The following CYLD variants were observed in gnomAD, a reference collection of about 807,000 sequenced individuals.
The protein encoded by CYLD is ubiquitin carboxyl-terminal hydrolase CYLD.
A neutral mutation model predicts 104.5 loss-of-function variants in CYLD; 26 were observed. The ratio of observed to expected loss-of-function variants is 0.25; its 90% CI spans 0.18 to 0.35. The LOEUF is 0.35. CYLD is among the 10% of genes least tolerant of loss of function. CYLD has a pLI of 1.00. For missense variants in CYLD, 703 were observed against 1,136.1 expected, an observed-to-expected ratio of 0.62 and a Z score of 5.48; for synonymous variants, 385 against 399.9, an observed-to-expected ratio of 0.96 and a Z score of 0.45.
At chr16:50,751,511 CAG>C in intron 3 of CYLD, 91 bp from the exon 4 acceptor site, 1 of 1,038,340 alleles carries the variant, frequency 9.6e-7, no homozygotes, top group Non-Finnish European at 1.4e-6. Flanking sequence ...AGAAATTTTC[CAG>C]AGTGATTTTC....
At chr16:50,790,424 T>C (rs1047283138) in intron 14 of CYLD, among the ~76,000 whole-genome samples, 1 of 152,176 alleles carries the variant, frequency 6.6e-6, no homozygotes, top group Non-Finnish European at 1.5e-5. Context: ...CCTCTACTAC[T>C]TCCTGGTTTC....
chr16:50,754,378 G>T lies in CYLD; in HGVS notation c.867G>T (p.Ala289=), dbSNP rs778051762. 6.2e-7 allele frequency: 1 copy of T among 1,613,462 alleles called. No homozygotes were observed. Among genetic ancestry groups the T allele is most frequent in the South Asian group, 1.1e-5 (1 of 91,064 alleles). Residue 289 remains alanine, a synonymous_variant, in exon 5 of 19, where the codon GCG becomes GCT. Transcript: ENST00000427738. The stretch of plus-strand genomic sequence containing the variant: ...ATGGAGTGCAGCTTTGTAGTTTTGC[G>T]TGTGTTGAAAGTACAATTCTATTGC... ...RFDGVQLCSF[A]CVESTILLHI... is the part of the protein sequence containing the mutation.
chr16:50,784,316 T>A lies in CYLD; in HGVS notation c.1827-13T>A. 1.2e-6 allele frequency: 2 copies of A among 1,612,900 alleles called. No individual in the cohort carries two copies. The highest frequency in any genetic ancestry group is 1.7e-6 in the Non-Finnish European group (2 of 1,179,356). The stretch of plus-strand genomic sequence containing the variant: ...TTTACAGCATGAAGAAAATTATCCT[T>A]TTTCTTTTGCAGCTTATTTGCTTTT... On this transcript the variant is annotated splice_polypyrimidine_tract_variant and intron_variant, in intron 11 of 18. Coordinates refer to ENST00000427738, the MANE Select transcript of CYLD (RefSeq NM_001378743.1).
chr16:50,793,738 G>T lies in CYLD; in HGVS notation c.2469+74G>T, dbSNP rs566639454. On this transcript the variant is annotated intron_variant, in intron 17 of 18. Transcript: ENST00000427738. ...ATTTATAGTTGAAAACACAATGCTCGTTTTGGAAAGTTTTTTAAAATCATA... is the reference window on the plus strand; with the variant it reads ...ATTTATAGTTGAAAACACAATGCTCTTTTTGGAAAGTTTTTTAAAATCATA... The T allele has an allele frequency of 1.3e-4, 130 of 984,098 alleles. No individual in the cohort carries two copies. The African/African-American group carries it at 1.7e-3, about 13-fold the overall frequency. The allele number at this position is 984,098 out of a possible 1,614,324, so 61.0% of individuals were successfully genotyped here. A position where few individuals can be genotyped will look rare whatever the true frequency, so the allele number is the denominator to read the frequency against.
At chr16:50,757,032 A>AT (rs1967326368) in intron 5 of CYLD, among the ~76,000 whole-genome samples, 2 of 152,242 alleles carry the variant, frequency 1.3e-5, no homozygotes, top group Middle Eastern at 3.4e-3. Flanking sequence ...ATGGAGATAT[A>AT]TTTTGTCTCT....
intron 5 of CYLD, among the ~76,000 whole-genome samples, chr16:50,754,850 T>C (rs1228713263): frequency 6.8e-6 from 1 of 147,142 alleles, no homozygotes; most frequent in African/African-American, 2.7e-5. Flanking sequence ...CCATGGTGTA[T>C]GTATATATAT....
Position 50,794,055 on chromosome 16 carries a change from G to A in CYLD, c.2470-157G>A, listed in dbSNP as rs552927944. Among the ~76,000 whole-genome samples the A allele has an allele frequency of 6.6e-6, 1 of 151,960 alleles. No homozygotes were observed. The highest frequency in any genetic ancestry group is 1.9e-4 in the East Asian group (1 of 5,166). On this transcript the variant is annotated intron_variant, in intron 17 of 18. Transcript: ENST00000427738. The surrounding 1 kb of genome is among the most constrained non-coding windows in gnomAD (Gnocchi z 4.1). ...TGATTCTCCTGCCTCAGCCTCCCGA[G>A]TAGCTGGGACTGCAGGCGCCTGCCA... is the stretch of plus-strand genomic sequence containing the variant.
chr16:50,793,530 C>T lies in CYLD; in HGVS notation c.2351-16C>T, dbSNP rs760150687. On this transcript the variant is annotated splice_polypyrimidine_tract_variant and intron_variant, in intron 16 of 18. Coordinates refer to ENST00000427738, the MANE Select transcript of CYLD (RefSeq NM_001378743.1). The stretch of plus-strand genomic sequence containing the variant: ...TTAAAGTCCTCTTAACTTCCCTTCC[C>T]CTTCTCACATTTCAGCTCCCAGACA... The T allele has an allele frequency of 6.5e-7, 1 of 1,529,248 alleles. No homozygotes were observed. The highest frequency in any genetic ancestry group is 2.2e-5 in the East Asian group (1 of 44,482). The allele number at this position is 1,529,248 out of a possible 1,614,324, so 94.7% of individuals were successfully genotyped here.
In CYLD at chr16:50,777,910, C is replaced by A. The variant is rs1287663722; in HGVS notation, c.1107C>A (p.Ser369=). 1 of 1,592,622 alleles carries A rather than the reference C, an allele frequency of 6.3e-7. No individual in the cohort carries two copies. Among genetic ancestry groups the A allele is most frequent in the African/African-American group, 1.3e-5 (1 of 74,438 alleles). The change falls in exon 8 of 19, where the codon TCC becomes TCA. Residue 369 remains serine, a synonymous_variant. Coordinates refer to ENST00000427738, the MANE Select transcript of CYLD (RefSeq NM_001378743.1). ...NGSSVDSQPQ[S]KSKNTWYIDE... ...CTTCTGTTGACTCACAACCACAATC[C>A]AAATCAAAAAATACATGGTACATTG...
rs532938356 is a variant in CYLD at position 50,747,757 on chromosome 16, C to T, written c.-123-1819C>T. On this transcript the variant is annotated intron_variant, in intron 2 of 18. Coordinates refer to ENST00000427738, the MANE Select transcript of CYLD (RefSeq NM_001378743.1). The stretch of plus-strand genomic sequence containing the variant: ...CCCATTCTTGCTGAAGTAGACAGTG[C>T]CCTCAAGTGGAATTAAAACAAACAC... Among the ~76,000 whole-genome samples, 6 of 152,246 alleles carry T rather than the reference C, an allele frequency of 3.9e-5. No individual in the cohort carries two copies. In the East Asian group the frequency reaches 9.6e-4, roughly 24 times the overall value.
At chr16:50,771,929 T>A (rs1213344044) in intron 5 of CYLD, among the ~76,000 whole-genome samples, 1 of 152,200 alleles carries the variant, frequency 6.6e-6, no homozygotes. Flanking sequence ...TCTGTCCTAC[T>A]GCCCATACCA....
chr16:50,770,897 A>G (rs1434799325), intron 5 of CYLD, among the ~76,000 whole-genome samples: 1 of 152,078 alleles, frequency 6.6e-6, no homozygotes, highest in East Asian at 1.9e-4. Context: ...TGCACATTTT[A>G]TTTCCCAATG....
intron 5 of CYLD, 170 bp downstream of exon 5, chr16:50,754,594 G>A (rs186128134): frequency 2.2e-4 from 131 of 582,754 alleles, no homozygotes; most frequent in African/African-American, 1.7e-3. Flanking sequence ...AGTATACTCC[G>A]TACCCCATGT....
At position 50,781,292 on chromosome 16, in the gene CYLD, G is replaced by A. The variant is rs2150995804; in HGVS notation, c.1565G>A (p.Arg522Gln). The change falls in exon 10 of 19, where the codon CGG becomes CAG. Residue 522 changes from arginine (R) to glutamine (Q), a missense_variant. Arg to Gln is a conservative substitution (Grantham distance 43). Transcript: ENST00000427738. ...GCTDGTFRGT[R>Q]YFTCALKKAL... The stretch of plus-strand genomic sequence containing the variant: ...ACGGATGGAACCTTCAGAGGCACTC[G>A]GTATTTCACCTGTGCCCTGAAGAAG... The A allele has an allele frequency of 1.9e-6, 3 of 1,613,926 alleles. No homozygotes were observed. Among genetic ancestry groups the A allele is most frequent in the Non-Finnish European group, 2.5e-6 (3 of 1,179,882 alleles).
At chr16:50,770,453 CTTTT>C (rs1187147281) in intron 5 of CYLD, among the ~76,000 whole-genome samples, 1 of 142,022 alleles carries the variant, frequency 7.0e-6, no homozygotes. Context: ...TTCTTTCTTT[CTTTT>C]TTTTTTTTTT....
At chr16:50,764,651 CT>C (rs1968297860) in intron 5 of CYLD, among the ~76,000 whole-genome samples, 1 of 152,118 alleles carries the variant, frequency 6.6e-6, no homozygotes, top group African/African-American at 2.4e-5. Context: ...ACTATTTTTA[CT>C]GTGTAACTAG....
At chr16:50,752,013 T>C in intron 4 of CYLD, 107 bp downstream of exon 4, 1 of 230,204 alleles carries the variant, frequency 4.3e-6, no homozygotes, top group Non-Finnish European at 7.2e-6. Context: ...TACACACATA[T>C]ATATGTATAG....
In CYLD at chr16:50,779,777, C is replaced by T. The variant is rs772206198; in HGVS notation, c.1251C>T (p.His417=). Residue 417 remains histidine (H), a synonymous_variant, in exon 9 of 19, where the codon CAC becomes CAT. Transcript: ENST00000427738. ...VNSLTTENRF[H]SLPFSLTKMP... is the part of the protein sequence containing the mutation. ...CACTGACCACCGAGAACAGATTCCACTCTTTACCATTCAGTCTCACCAAGA... is the reference window on the plus strand; with the variant it reads ...CACTGACCACCGAGAACAGATTCCATTCTTTACCATTCAGTCTCACCAAGA... 8.7e-6 allele frequency: 14 copies of T among 1,613,980 alleles called. No homozygotes were observed. In the South Asian group the frequency reaches 1.4e-4, roughly 16 times the overall value.
intron 5 of CYLD, 37 bp downstream of exon 5, chr16:50,754,461 C>CTTTATTTT: frequency 7.2e-7 from 1 of 1,386,746 alleles, no homozygotes; most frequent in South Asian, 1.2e-5. Context: ...ATAAGGCAAA[C>CTTTATTTT]TTTATTTTTT....
Sources: allele counts gnomAD v4.1 joint callset (sites outside exome capture counted in the v4.1 genomes callset), GRCh38; gene constraint gnomAD v4.1.1; non-coding constraint Gnocchi (gnomAD v3.1); transcripts MANE v1.5; gene names NCBI Gene and HGNC (gene_info 2026-07-23, HGNC 2026-07-21).